SLC4A10: variants seen among roughly 807,000 people sequenced by gnomAD.
SLC4A10 encodes the protein sodium-driven chloride bicarbonate exchanger.
Under a neutral mutation model 137.7 loss-of-function variants are expected in SLC4A10, and 42 were observed. The observed-to-expected ratio is 0.30, with a 90% CI of 0.24 to 0.39. The LOEUF is 0.39. Ranked by LOEUF, SLC4A10 falls within the 10% of genes least tolerant of loss-of-function variation. The pLI, the probability that SLC4A10 is intolerant of heterozygous loss-of-function variation, is 1.00. For missense variants in SLC4A10, 925 were observed against 1,355.0 expected (o/e 0.68, Z 4.98); for synonymous variants, 474 against 464.1 (o/e 1.02, Z -0.27).
At chr2:161,742,956 A>G (rs1363837286) in intron 1 of SLC4A10, among the ~76,000 whole-genome samples, 1 of 152,146 alleles carries the variant, frequency 6.6e-6, no homozygotes, top group Non-Finnish European at 1.5e-5. Flanking sequence ...CCATTTTAAA[A>G]TTAGATTATT....
chr2:161,647,569 A>G (rs930036340), intron 1 of SLC4A10, among the ~76,000 whole-genome samples: 2 of 152,166 alleles, frequency 1.3e-5, no homozygotes, highest in African/African-American at 2.4e-5. Flanking sequence ...TAGAATTTAT[A>G]TGTTTAAGAA....
chr2:161,876,223 T>G (rs2125940988), intron 8 of SLC4A10, among the ~76,000 whole-genome samples: 1 of 152,296 alleles, frequency 6.6e-6, no homozygotes, highest in African/African-American at 2.4e-5. Context: ...GACCAGAAAC[T>G]TCCAGGATTT....
intron 3 of SLC4A10, among the ~76,000 whole-genome samples, chr2:161,830,456 C>T (rs2058360473): frequency 1.3e-5 from 2 of 150,132 alleles, no homozygotes. Flanking sequence ...TCTAGCTGCT[C>T]TTAAGGTAGT....
chr2:161,756,835 GC>G (rs2049705316), intron 1 of SLC4A10, among the ~76,000 whole-genome samples: 1 of 152,038 alleles, frequency 6.6e-6, no homozygotes, highest in African/African-American at 2.4e-5. Context: ...AACTGTATGT[GC>G]ATATATATTC....
chr2:161,764,387 G>A (rs187369832), intron 1 of SLC4A10, among the ~76,000 whole-genome samples: 1 of 152,190 alleles, frequency 6.6e-6, no homozygotes, highest in Admixed American at 6.6e-5. Flanking sequence ...GGTTTATTGG[G>A]AGAGGAAAGG....
chr2:161,872,228 T>C, intron 6 of SLC4A10, 65 bp from the exon 7 acceptor site: 1 of 1,262,022 alleles, frequency 7.9e-7, no homozygotes, highest in Non-Finnish European at 1.1e-6. Context: ...AAGTGCCTAT[T>C]TCACTCAGTA....
At chr2:161,958,949 A>T (rs1205831964) in intron 21 of SLC4A10, among the ~76,000 whole-genome samples, 2 of 152,210 alleles carry the variant, frequency 1.3e-5, no homozygotes, top group African/African-American at 4.8e-5. Flanking sequence ...ACATACTATT[A>T]AAATATTGGA....
At chr2:161,680,630 G>T (rs2040748794) in intron 1 of SLC4A10, among the ~76,000 whole-genome samples, 1 of 152,022 alleles carries the variant, frequency 6.6e-6, no homozygotes, top group Admixed American at 6.6e-5. Context: ...TTGAATAAGG[G>T]AGTAATGTGA....
In SLC4A10 at chr2:161,957,040, G is replaced by C. The variant is rs1234577392; in HGVS notation, c.2593G>C (p.Val865Leu). ...DLLMVAVMLG[V>L]CSIMGLPWFV... is the part of the protein sequence containing the mutation. ...ATTAATGGTGGCTGTCATGCTCGGT[G>C]TATGCTCCATCATGGGCCTGCCATG... Residue 865 changes from valine to leucine, a missense_variant, in exon 20 of 27, where the codon GTA becomes CTA. Around this residue, in one of 11 missense-constraint regions of SLC4A10, gnomAD observed 115 missense variants for 237.5 expected, o/e 0.48. Transcript: ENST00000446997. 6.2e-7 allele frequency: 1 copy of C among 1,609,738 alleles called. No individual in the cohort carries two copies. Among genetic ancestry groups the C allele is most frequent in the Non-Finnish European group, 8.5e-7 (1 of 1,178,114 alleles).
At chr2:161,925,992 T>C (rs890740736) in intron 15 of SLC4A10, among the ~76,000 whole-genome samples, 1 of 152,116 alleles carries the variant, frequency 6.6e-6, no homozygotes, top group African/African-American at 2.4e-5. Context: ...AATTTTGGAA[T>C]AGGTGTGGTG....
Position 161,974,303 on chromosome 2 carries a change from G to A in SLC4A10, c.3214G>A (p.Glu1072Lys). Residue 1072 changes from glutamate to lysine, a missense_variant, in exon 24 of 27, where the codon GAA becomes AAA. Physicochemically the swap from Glu to Lys is moderately conservative, Grantham distance 56. Around this residue, in one of 11 missense-constraint regions of SLC4A10, gnomAD observed 84 missense variants for 76.9 expected, o/e 1.09. Transcript: ENST00000446997. ...TGAGGGCACAGTACAACTCCCATTGGAAGGGCACTATAGGTAAGACATAAA... is the reference window on the plus strand; with the variant it reads ...TGAGGGCACAGTACAACTCCCATTGAAAGGGCACTATAGGTAAGACATAAA... ...EDEGTVQLPLEGHYRDDPSVI... is the reference protein window; with the variant it reads ...EDEGTVQLPLKGHYRDDPSVI... 6.2e-7 allele frequency: 1 copy of A among 1,606,566 alleles called. No homozygotes were observed. Among genetic ancestry groups the A allele is most frequent in the Non-Finnish European group, 8.5e-7 (1 of 1,176,716 alleles).
At chr2:161,676,900 A>G (rs2040334171) in intron 1 of SLC4A10, among the ~76,000 whole-genome samples, 1 of 152,154 alleles carries the variant, frequency 6.6e-6, no homozygotes, top group Non-Finnish European at 1.5e-5. Flanking sequence ...CTATAAATAT[A>G]TCACCTCTTA....
At chr2:161,940,559 G>T (rs957352935) in intron 15 of SLC4A10, among the ~76,000 whole-genome samples, 9 of 152,160 alleles carry the variant, frequency 5.9e-5, no homozygotes, top group African/African-American at 2.2e-4. Flanking sequence ...GAAGCCGCGC[G>T]TCAGAGATTT....
chr2:161,858,497 A>C (rs562050089), intron 5 of SLC4A10, among the ~76,000 whole-genome samples: 32 of 152,282 alleles, frequency 2.1e-4, no homozygotes, highest in African/African-American at 7.2e-4. Context: ...AAACTCAATA[A>C]ATTTAAACTT....
intron 3 of SLC4A10, among the ~76,000 whole-genome samples, chr2:161,818,660 C>G (rs1405352230): frequency 3.9e-5 from 6 of 152,228 alleles, no homozygotes; most frequent in Non-Finnish European, 5.9e-5. Flanking sequence ...CCATCAATAC[C>G]TAATTTATTG....
chr2:161,878,390 AT>A, intron 8 of SLC4A10, among the ~76,000 whole-genome samples: 1 of 152,196 alleles, frequency 6.6e-6, no homozygotes, highest in East Asian at 1.9e-4. Context: ...TGTTAAGGAT[AT>A]TTTGCATTCA....
intron 8 of SLC4A10, among the ~76,000 whole-genome samples, chr2:161,877,574 A>T (rs2061514650): frequency 6.6e-6 from 1 of 152,078 alleles, no homozygotes; most frequent in Non-Finnish European, 1.5e-5. Context: ...ACCTACAAAA[A>T]TACCACAATA....
chr2:161,793,917 A>G (rs2054480876), intron 2 of SLC4A10, among the ~76,000 whole-genome samples: 1 of 152,172 alleles, frequency 6.6e-6, no homozygotes, highest in South Asian at 2.1e-4. Context: ...TCCTGTAATG[A>G]TAATTGCCAT....
chr2:161,791,836 T>C (rs1242434516), intron 2 of SLC4A10, among the ~76,000 whole-genome samples: 1 of 152,200 alleles, frequency 6.6e-6, no homozygotes, highest in Non-Finnish European at 1.5e-5. Context: ...CCATGCATTT[T>C]ATTTCCAGGT....
Sources: allele counts gnomAD v4.1 joint callset (sites outside exome capture counted in the v4.1 genomes callset), GRCh38; gene constraint gnomAD v4.1.1; regional missense constraint gnomAD v4.1.1; transcripts MANE v1.5; gene names NCBI Gene and HGNC (gene_info 2026-07-23, HGNC 2026-07-21).